Variants in DCLK1 observed in about 807,000 individuals in gnomAD.
DCLK1 encodes the protein doublecortin like kinase 1, also known as serine/threonine-protein kinase DCLK1.
In DCLK1, 16 loss-of-function variants were observed where a neutral mutation model predicts 86.2. The observed-to-expected ratio is 0.19, with a 90% CI of 0.13 to 0.28. The LOEUF (loss-of-function observed/expected upper bound fraction) is 0.28. Ranked by LOEUF, DCLK1 falls within the 10% of genes least tolerant of loss-of-function variation. The pLI is 1.00. For missense variants in DCLK1, 590 were observed against 940.2 expected (o/e 0.63, Z 4.87); for synonymous variants, 369 against 370.5 (o/e 1.00, Z 0.05).
chr13:36,112,599 C>T (rs140308986), intron 2 of DCLK1, among the ~76,000 whole-genome samples: 1 of 152,144 alleles, frequency 6.6e-6, no homozygotes, highest in South Asian at 2.1e-4. Context: ...CCTCCATTTG[C>T]TACCTGAGAT....
At chr13:36,085,606 T>C (rs902520745) in intron 3 of DCLK1, among the ~76,000 whole-genome samples, 1 of 152,212 alleles carries the variant, frequency 6.6e-6, no homozygotes, top group African/African-American at 2.4e-5. Flanking sequence ...ATTTTTTCTA[T>C]CAGAAATCAA....
intron 6 of DCLK1, chr13:35,849,466 C>T: frequency 5.1e-6 from 5 of 985,280 alleles, no homozygotes; most frequent in Non-Finnish European, 4.8e-6. Flanking sequence ...CTTCACAAGT[C>T]TTAAACTGTT....
chr13:36,007,978 GTAAT>G lies in DCLK1; in HGVS notation c.724-60525_724-60522del, dbSNP rs1881061982. 4.6e-5 allele frequency among the ~76,000 whole-genome samples: 7 copies of G among 151,884 alleles called. No homozygotes were observed. The South Asian group carries it at 1.4e-3, about 31-fold the overall frequency. ...CAGACTATAAAGGCAATCCTAAGGA[GTAAT>G]TAATACAATTTTTAGTCTATAAAAC... is the stretch of plus-strand genomic sequence containing the variant. On this transcript the variant is annotated intron_variant, in intron 3 of 16. Transcript: ENST00000360631.
intron 5 of DCLK1, among the ~76,000 whole-genome samples, chr13:35,866,270 A>C (rs933522618): frequency 5.3e-5 from 8 of 152,238 alleles, no homozygotes; most frequent in African/African-American, 1.9e-4. Flanking sequence ...TGTTTCAGGT[A>C]AATATAAGTT....
chr13:35,877,502 T>A (rs1872655810), intron 4 of DCLK1, among the ~76,000 whole-genome samples: 2 of 152,224 alleles, frequency 1.3e-5, no homozygotes. Context: ...GTGAAGTCCC[T>A]TGAGTGTCTA....
chr13:35,957,610 C>T (rs1195063475), intron 3 of DCLK1, among the ~76,000 whole-genome samples: 1 of 152,130 alleles, frequency 6.6e-6, no homozygotes, highest in South Asian at 2.1e-4. Flanking sequence ...AGATAAATCA[C>T]TTTGCCTGGT....
At chr13:36,075,124 T>C (rs570261252) in intron 3 of DCLK1, among the ~76,000 whole-genome samples, 6 of 152,340 alleles carry the variant, frequency 3.9e-5, no homozygotes, top group African/African-American at 1.4e-4. Context: ...ATTTTTAGGA[T>C]TCAAATGAGG....
At chr13:35,950,317 G>A (rs1877599325) in intron 3 of DCLK1, among the ~76,000 whole-genome samples, 1 of 152,182 alleles carries the variant, frequency 6.6e-6, no homozygotes, top group Non-Finnish European at 1.5e-5. Flanking sequence ...TACAGAGGTA[G>A]CTGTAATGTA....
chr13:35,772,893 T>C lies in DCLK1; in HGVS notation c.*1642A>G, dbSNP rs755767657. 1.3e-5 allele frequency: 2 copies of C among 152,174 alleles called. No individual in the cohort carries two copies. The highest frequency in any genetic ancestry group is 2.9e-5 in the Non-Finnish European group (2 of 68,032). The allele number at this position is 152,174 out of a possible 1,614,324, so 9.4% of individuals were successfully genotyped here. A position where few individuals can be genotyped will look rare whatever the true frequency, so the allele number is the denominator to read the frequency against. On this transcript the variant is annotated 3_prime_UTR_variant, in exon 17 of 17. Transcript: ENST00000360631. The stretch of plus-strand genomic sequence containing the variant: ...ATGTGCATTTGAAAATAAAGGACTA[T>C]AGAAACGTTGTTCACAAATTTTAAG...
At chr13:35,887,171 A>G (rs1873321164) in intron 4 of DCLK1, among the ~76,000 whole-genome samples, 1 of 152,240 alleles carries the variant, frequency 6.6e-6, no homozygotes, top group Admixed American at 6.5e-5. Flanking sequence ...TAACGATGCT[A>G]CATGTTAGTA....
intron 3 of DCLK1, among the ~76,000 whole-genome samples, chr13:36,072,635 C>T (rs1339343069): frequency 6.6e-6 from 1 of 152,316 alleles, no homozygotes; most frequent in East Asian, 1.9e-4. Context: ...CTTCTACCCC[C>T]AGCCTCTAGA....
intron 3 of DCLK1, among the ~76,000 whole-genome samples, chr13:36,088,520 G>A (rs559989274): frequency 7.4e-4 from 112 of 152,334 alleles, no homozygotes; most frequent in African/African-American, 2.6e-3. Flanking sequence ...TGAAAGGACA[G>A]GCTCTTTTCT....
intron 3 of DCLK1, among the ~76,000 whole-genome samples, chr13:36,044,536 T>C (rs771330366): frequency 1.2e-4 from 19 of 152,146 alleles, no homozygotes; most frequent in Non-Finnish European, 2.6e-4. Flanking sequence ...AAATTAATAT[T>C]GATTAATGTT....
intron 15 of DCLK1, among the ~76,000 whole-genome samples, chr13:35,804,476 A>G (rs535116111): frequency 6.6e-6 from 1 of 150,888 alleles, no homozygotes; most frequent in Admixed American, 6.6e-5. Context: ...TCTTTTGTCC[A>G]GATTGGAGTA....
intron 5 of DCLK1, 69 bp from the exon 6 acceptor site, chr13:35,854,662 CT>C (rs1870919493): frequency 8.7e-6 from 12 of 1,380,472 alleles, no homozygotes; most frequent in Non-Finnish European, 1.2e-5. Flanking sequence ...AAATCATCTT[CT>C]GCAAGAAATA....
chr13:36,082,510 T>C (rs1884454440), intron 3 of DCLK1, among the ~76,000 whole-genome samples: 5 of 152,172 alleles, frequency 3.3e-5, no homozygotes, highest in Admixed American at 3.3e-4. Context: ...AATCCCATGT[T>C]GTTCAAGGGT....
intron 3 of DCLK1, among the ~76,000 whole-genome samples, chr13:36,000,229 T>G (rs991883118): frequency 3.9e-5 from 6 of 152,204 alleles, no homozygotes; most frequent in African/African-American, 1.2e-4. Context: ...TCTTTCTCAC[T>G]GGGCACTTAC....
chr13:36,121,730 T>C (rs916791242), intron 2 of DCLK1, among the ~76,000 whole-genome samples: 2 of 152,162 alleles, frequency 1.3e-5, no homozygotes, highest in East Asian at 1.9e-4. Context: ...CTGGGTGTCA[T>C]AGAACGTATT....
At chr13:35,851,999 G>A (rs865978507) in intron 6 of DCLK1, among the ~76,000 whole-genome samples, 97 of 148,738 alleles carry the variant, frequency 6.5e-4, no homozygotes, top group African/African-American at 1.7e-3. Flanking sequence ...GTGTGTATGT[G>A]TGTGTGTGTG....
Sources: allele counts gnomAD v4.1 joint callset (sites outside exome capture counted in the v4.1 genomes callset), GRCh38; gene constraint gnomAD v4.1.1; transcripts MANE v1.5; gene names NCBI Gene and HGNC (gene_info 2026-07-23, HGNC 2026-07-21).